GPC5: variants seen among roughly 807,000 people sequenced by gnomAD.
GPC5 encodes glypican-5.
Under a neutral mutation model 53.9 loss-of-function variants are expected in GPC5, and 47 were observed. The ratio of observed to expected loss-of-function variants is 0.87; its 90% CI spans 0.69 to 1.11. The LOEUF (loss-of-function observed/expected upper bound fraction) is 1.11. Among genes scored for constraint, GPC5 ranks in the 50% most tolerant of loss-of-function variants. GPC5 has a pLI of 0.00. For synonymous variants in GPC5, 286 were observed against 263.3 expected, an observed-to-expected ratio of 1.09 and a Z score of -0.84; for missense variants, 748 against 713.1, an observed-to-expected ratio of 1.05 and a Z score of -0.56.
chr13:92,416,529 A>G (rs751591274), intron 7 of GPC5, among the ~76,000 whole-genome samples: 7 of 152,228 alleles, frequency 4.6e-5, no homozygotes, highest in Non-Finnish European at 8.8e-5. Flanking sequence ...ACACAAAAGG[A>G]TTAAGTTGAA....
intron 7 of GPC5, among the ~76,000 whole-genome samples, chr13:92,786,190 A>T (rs1324757156): frequency 1.3e-5 from 2 of 152,200 alleles, no homozygotes; most frequent in Non-Finnish European, 2.9e-5. Flanking sequence ...GGAAACTGTA[A>T]TCCAGTAGTA....
intron 7 of GPC5, among the ~76,000 whole-genome samples, chr13:92,765,120 G>C (rs1046583397): frequency 3.3e-5 from 5 of 152,174 alleles, no homozygotes; most frequent in Non-Finnish European, 7.4e-5. Context: ...CGATGGACAA[G>C]TTGGTGATTT....
chr13:92,581,988 A>G (rs1377435617), intron 7 of GPC5, among the ~76,000 whole-genome samples: 3 of 152,024 alleles, frequency 2.0e-5, no homozygotes, highest in African/African-American at 7.2e-5. Context: ...ATATTGTCTC[A>G]TATTCTGTAG....
At chr13:92,767,364 G>C (rs2138744773) in intron 7 of GPC5, among the ~76,000 whole-genome samples, 1 of 152,184 alleles carries the variant, frequency 6.6e-6, no homozygotes, top group Non-Finnish European at 1.5e-5. Flanking sequence ...CCAGCTACTT[G>C]GGAGGCTGAG....
chr13:92,639,962 AT>A lies in GPC5; in HGVS notation c.1562-226309del, dbSNP rs369589370. On this transcript the variant is annotated intron_variant, in intron 7 of 7. Transcript: ENST00000377067. ...AATTACTTTATAAGTGATCCTGAGG[AT>A]TTTTTTTTTTCTCTCTCTCTCTCTC... Among the ~76,000 whole-genome samples the A allele has an allele frequency of 7.2e-3, 1,077 of 149,284 alleles. 11 individuals carry two copies. The highest frequency in any genetic ancestry group is 0.022 in the African/African-American group (895 of 40,600).
intron 5 of GPC5, among the ~76,000 whole-genome samples, chr13:91,806,036 T>A (rs1411132646): frequency 1.5e-5 from 2 of 134,384 alleles, no homozygotes; most frequent in Non-Finnish European, 3.2e-5. Flanking sequence ...TTTTTTTTTT[T>A]TTTTTTTTTT....
intron 6 of GPC5, among the ~76,000 whole-genome samples, chr13:92,094,551 T>TAAAA (rs2041406891): frequency 7.0e-6 from 1 of 142,476 alleles, no homozygotes; most frequent in Non-Finnish European, 1.5e-5. Flanking sequence ...AAAAATAGTC[T>TAAAA]AAAATAAAGA....
intron 6 of GPC5, among the ~76,000 whole-genome samples, chr13:92,074,170 G>A (rs2041234881): frequency 6.6e-6 from 1 of 152,154 alleles, no homozygotes; most frequent in Admixed American, 6.5e-5. Flanking sequence ...AAGCCAAATC[G>A]CTGTAGATGG....
chr13:92,554,243 T>A (rs558475928), intron 7 of GPC5, among the ~76,000 whole-genome samples: 1 of 152,046 alleles, frequency 6.6e-6, no homozygotes, highest in Admixed American at 6.6e-5. Context: ...TACATTTGAA[T>A]CAAAGTATCC....
At position 92,502,006 on chromosome 13, in the gene GPC5, C is replaced by T. The variant is rs188666509; in HGVS notation, c.1561+357017C>T. Among the ~76,000 whole-genome samples, 17 of 152,058 alleles carry T rather than the reference C, an allele frequency of 1.1e-4. No homozygotes were observed. In the East Asian group the frequency reaches 2.1e-3, roughly 19 times the overall value. On this transcript the variant is annotated intron_variant, in intron 7 of 7. Coordinates refer to ENST00000377067, the MANE Select transcript of GPC5 (RefSeq NM_004466.6). ...AGAAAGAAACTTGCAATATCACAAA[C>T]GAAAGAAGAGCGACAAAAATGGCAA...
chr13:91,947,566 A>C (rs2039984975), intron 6 of GPC5, among the ~76,000 whole-genome samples: 1 of 152,138 alleles, frequency 6.6e-6, no homozygotes, highest in African/African-American at 2.4e-5. Flanking sequence ...TGACATTTTA[A>C]TCTTAATTTC....
At chr13:92,339,235 T>C (rs2043346689) in intron 7 of GPC5, among the ~76,000 whole-genome samples, 1 of 151,682 alleles carries the variant, frequency 6.6e-6, no homozygotes, top group Admixed American at 6.6e-5. Flanking sequence ...ATTCTCTTTT[T>C]CCAATGTTTC....
chr13:91,954,160 T>G (rs2139064440), intron 6 of GPC5, among the ~76,000 whole-genome samples: 1 of 152,304 alleles, frequency 6.6e-6, no homozygotes, highest in Admixed American at 6.5e-5. Context: ...GCAACCATTT[T>G]AGGAAGGCAT....
At position 92,012,553 on chromosome 13, in the gene GPC5, T is replaced by G. The variant is rs141542612; in HGVS notation, c.1401+104496T>G. Among the ~76,000 whole-genome samples, 425 of 152,302 alleles carry G rather than the reference T, an allele frequency of 2.8e-3. 2 individuals are homozygous for G. The highest frequency in any genetic ancestry group is 9.7e-3 in the African/African-American group (404 of 41,574). Reference sequence around the variant, plus strand: ...TTTGAGAAAGTTAAATAAGTACCACTTAATTGAAGTAAATTATAAATTTGA... The same window carrying G: ...TTTGAGAAAGTTAAATAAGTACCACGTAATTGAAGTAAATTATAAATTTGA... On this transcript the variant is annotated intron_variant, in intron 6 of 7. Coordinates refer to ENST00000377067, the MANE Select transcript of GPC5 (RefSeq NM_004466.6).
chr13:92,055,398 A>T (rs1166067549), intron 6 of GPC5, among the ~76,000 whole-genome samples: 2 of 152,202 alleles, frequency 1.3e-5, no homozygotes, highest in Non-Finnish European at 2.9e-5. Context: ...TTAAATGTTT[A>T]AGGTTTATTA....
At chr13:92,181,478 C>A (rs532715764) in intron 7 of GPC5, among the ~76,000 whole-genome samples, 2 of 152,296 alleles carry the variant, frequency 1.3e-5, no homozygotes, top group Middle Eastern at 3.4e-3. Context: ...TGCTATATAT[C>A]ATGCTAAGTG....
At chr13:92,563,421 T>G (rs1410688707) in intron 7 of GPC5, among the ~76,000 whole-genome samples, 1 of 152,006 alleles carries the variant, frequency 6.6e-6, no homozygotes, top group Non-Finnish European at 1.5e-5. Context: ...TTTTCACATT[T>G]TTTAATGCAG....
In GPC5 at chr13:92,304,375, T is replaced by C. The variant is rs193084280; in HGVS notation, c.1561+159386T>C. Among the ~76,000 whole-genome samples, 1,010 of 152,058 alleles carry C rather than the reference T, an allele frequency of 6.6e-3. 9 individuals carry two copies. Among genetic ancestry groups the C allele is most frequent in the Middle Eastern group, 0.014 (4 of 294 alleles). ...GCCTGCCACCACGCCCGGCTAATTTTTTGTATTTTTAGTAGAGATGGGGTT... is the reference window on the plus strand; with the variant it reads ...GCCTGCCACCACGCCCGGCTAATTTCTTGTATTTTTAGTAGAGATGGGGTT... On this transcript the variant is annotated intron_variant, in intron 7 of 7. Coordinates refer to ENST00000377067, the MANE Select transcript of GPC5 (RefSeq NM_004466.6).
chr13:91,816,575 C>T (rs2038403407), intron 5 of GPC5, among the ~76,000 whole-genome samples: 1 of 152,102 alleles, frequency 6.6e-6, no homozygotes, highest in African/African-American at 2.4e-5. Context: ...CCAGCTGTTT[C>T]CTGGATCATA....
Sources: allele counts gnomAD v4.1 joint callset (sites outside exome capture counted in the v4.1 genomes callset), GRCh38; gene constraint gnomAD v4.1.1; transcripts MANE v1.5; gene names NCBI Gene and HGNC (gene_info 2026-07-23, HGNC 2026-07-21).